MAPK10: variants seen among roughly 807,000 people sequenced by gnomAD.
MAPK10 encodes mitogen-activated protein kinase 10, also known as JNK3 alpha protein kinase.
MAPK10 carries 25 observed loss-of-function variants against 59.3 expected under a neutral mutation model. That is an observed-to-expected ratio of 0.42 (90% confidence interval 0.31 to 0.59). The LOEUF is 0.59. MAPK10 is among the 20% of genes least tolerant of loss of function. The pLI, the probability that MAPK10 is intolerant of heterozygous loss-of-function variation, is 0.15. For synonymous variants in MAPK10, 190 were observed against 200.5 expected, an observed-to-expected ratio of 0.95 and a Z score of 0.44; for missense variants, 351 against 568.9, an observed-to-expected ratio of 0.62 and a Z score of 3.90.
chr4:86,564,795 T>C (rs1760938460), intron 1 of MAPK10, among the ~76,000 whole-genome samples: 1 of 152,082 alleles, frequency 6.6e-6, no homozygotes, highest in South Asian at 2.1e-4. Context: ...AAGATAGTCT[T>C]GGGGAGGAAT....
chr4:86,220,803 G>A (rs2089311823), intron 2 of MAPK10, among the ~76,000 whole-genome samples: 1 of 148,224 alleles, frequency 6.7e-6, no homozygotes. Context: ...AAGGGCAAAA[G>A]TCTCTTGTTT....
chr4:86,189,118 C>T (rs2079029085), intron 3 of MAPK10, among the ~76,000 whole-genome samples: 1 of 152,128 alleles, frequency 6.6e-6, no homozygotes, highest in South Asian at 2.1e-4. Flanking sequence ...TGTTTTGGTA[C>T]CAGCACCATG....
chr4:86,170,106 A>G (rs1390141169), intron 3 of MAPK10, among the ~76,000 whole-genome samples: 1 of 152,134 alleles, frequency 6.6e-6, no homozygotes, highest in Non-Finnish European at 1.5e-5. Context: ...CTGCAAAATC[A>G]TGCCAAAATG....
intron 1 of MAPK10, among the ~76,000 whole-genome samples, chr4:86,534,896 A>C (rs1456176541): frequency 6.6e-6 from 1 of 152,126 alleles, no homozygotes; most frequent in African/African-American, 2.4e-5. Context: ...GCAGAGCGAG[A>C]CTCTGTCTCA....
chr4:86,405,943 AACTG>A (rs1744309267), intron 1 of MAPK10, among the ~76,000 whole-genome samples: 1 of 152,204 alleles, frequency 6.6e-6, no homozygotes, highest in Admixed American at 6.6e-5. Context: ...GCGTCTTTTT[AACTG>A]ACTAAATAGA....
intron 1 of MAPK10, among the ~76,000 whole-genome samples, chr4:86,383,369 CACAGTCAAGGGTAGAATGTA>C (rs1466848137): frequency 6.6e-6 from 1 of 152,162 alleles, no homozygotes; most frequent in African/African-American, 2.4e-5. Context: ...GCAAGCTTTC[CACAGTCAAGGGTAGAATGTA>C]ACCTGTTCTA....
chr4:86,262,497 A>G (rs2094034590), intron 2 of MAPK10, among the ~76,000 whole-genome samples: 1 of 152,212 alleles, frequency 6.6e-6, no homozygotes, highest in South Asian at 2.1e-4. Context: ...AGAATAATAC[A>G]TAAGTAATTA....
At chr4:86,423,696 T>G (rs537060231) in intron 1 of MAPK10, among the ~76,000 whole-genome samples, 1 of 150,212 alleles carries the variant, frequency 6.7e-6, no homozygotes, top group East Asian at 2.0e-4. Context: ...TCACCTATTG[T>G]GTGTTATGAG....
chr4:86,543,458 ACGATGG>A (rs1758890358), intron 1 of MAPK10, among the ~76,000 whole-genome samples: 1 of 152,188 alleles, frequency 6.6e-6, no homozygotes, highest in Admixed American at 6.5e-5. Flanking sequence ...GAGACTCTAC[ACGATGG>A]CTGAAGAGAC....
chr4:86,473,598 A>G (rs1004051081), intron 1 of MAPK10, among the ~76,000 whole-genome samples: 1 of 152,184 alleles, frequency 6.6e-6, no homozygotes, highest in East Asian at 1.9e-4. Context: ...GTGACTCCCT[A>G]TTCCAGCAAA....
intron 1 of MAPK10, among the ~76,000 whole-genome samples, chr4:86,532,068 AT>A (rs1262635758): frequency 2.0e-5 from 3 of 147,484 alleles, no homozygotes; most frequent in Non-Finnish European, 3.0e-5. Context: ...TATATATATT[AT>A]TTTTATATAT....
chr4:86,109,182 T>C lies in MAPK10; in HGVS notation c.237-1830A>G, dbSNP rs115136871. Among the ~76,000 whole-genome samples, 257 of 152,314 alleles carry C rather than the reference T, an allele frequency of 1.7e-3. 2 individuals carry two copies. The highest frequency in any genetic ancestry group is 5.8e-3 in the African/African-American group (240 of 41,574). On this transcript the variant is annotated intron_variant, in intron 4 of 13. Transcript: ENST00000641462. ...TATACAGCTAAGTCTGTCCTGGAAC[T>C]CTTTAATAATGACATTCCACACTAT...
intron 2 of MAPK10, among the ~76,000 whole-genome samples, chr4:86,345,466 A>G (rs1013028695): frequency 1.3e-5 from 2 of 152,190 alleles, no homozygotes; most frequent in Non-Finnish European, 2.9e-5. Flanking sequence ...TTGATTACTT[A>G]TGAGAGAAAT....
chr4:86,172,314 G>C (rs1308506672), intron 3 of MAPK10, among the ~76,000 whole-genome samples: 3 of 145,102 alleles, frequency 2.1e-5, no homozygotes, highest in Non-Finnish European at 4.4e-5. Flanking sequence ...GCAAAGACTT[G>C]GAACCAACCC....
chr4:86,213,012 A>C (rs2086295993), intron 2 of MAPK10, among the ~76,000 whole-genome samples: 1 of 152,212 alleles, frequency 6.6e-6, no homozygotes, highest in Non-Finnish European at 1.5e-5. Context: ...CTCTGGTCAC[A>C]ACAGTATGAA....
chr4:86,507,655 T>TATATATATATAC lies in MAPK10; in HGVS notation c.-263+86254_-263+86255insGTATATATATAT, dbSNP rs1755885816. On this transcript the variant is annotated intron_variant, in intron 1 of 4. Coordinates refer to the MAPK10 transcript ENST00000502302. Reference sequence around the variant, plus strand: ...ATATATATATATATATATATATATATATATATATATATATATAAAATCATG... The same window carrying TATATATATATAC: ...ATATATATATATATATATATATATATATATATATATACATATATATATATATATAAAATCATG... Among the ~76,000 whole-genome samples, 61 of 71,262 alleles carry TATATATATATAC rather than the reference T, an allele frequency of 8.6e-4. 3 individuals carry two copies. Among genetic ancestry groups the TATATATATATAC allele is most frequent in the Non-Finnish European group, 1.4e-3 (49 of 34,644 alleles). 46.8% of individuals were successfully genotyped at this position (71,262 alleles called of 152,430 possible). A position where few individuals can be genotyped will look rare whatever the true frequency, so the allele number is the denominator to read the frequency against.
chr4:86,351,803 T>G (rs113003782), intron 2 of MAPK10, among the ~76,000 whole-genome samples: 2,232 of 152,282 alleles, frequency 0.015, 59 homozygotes, highest in African/African-American at 0.05. Flanking sequence ...GAAGATGAAC[T>G]ATTTGTAAAG....
chr4:86,337,217 T>A (rs1223559700), intron 2 of MAPK10, among the ~76,000 whole-genome samples: 1 of 152,236 alleles, frequency 6.6e-6, no homozygotes, highest in Non-Finnish European at 1.5e-5. Flanking sequence ...GGAATCAGTA[T>A]GGTAACTGAC....
chr4:86,434,385 A>G (rs968256206), intron 1 of MAPK10, among the ~76,000 whole-genome samples: 1 of 152,214 alleles, frequency 6.6e-6, no homozygotes, highest in African/African-American at 2.4e-5. Context: ...AACATTTGCA[A>G]ACTATCCATC....
Sources: gnomAD v4.1 joint callset for allele counts (sites outside exome capture counted in the v4.1 genomes callset) on GRCh38, gnomAD v4.1.1 for gene constraint, MANE v1.5 for transcripts, NCBI Gene and HGNC (gene_info 2026-07-23, HGNC 2026-07-21) for gene names.